TMC2: variants seen among roughly 807,000 people sequenced by gnomAD.
TMC2 encodes transmembrane channel like 2, also known as transmembrane channel-like protein 2.
Under a neutral mutation model 105.9 loss-of-function variants are expected in TMC2, and 102 were observed. The observed-to-expected ratio is 0.96, with a 90% CI of 0.82 to 1.14. The LOEUF (loss-of-function observed/expected upper bound fraction) is 1.14. Ranked by LOEUF, TMC2 falls within the 50% of genes most tolerant of loss-of-function variation. The pLI, the probability that TMC2 is intolerant of heterozygous loss-of-function variation, is 0.00. For synonymous variants in TMC2, 402 were observed against 422.8 expected (o/e 0.95, Z 0.60); for missense variants, 1,093 against 1,134.3 (o/e 0.96, Z 0.52).
At chr20:2,639,941 G>A (rs1315584819) in intron 19 of TMC2, among the ~76,000 whole-genome samples, 2 of 152,156 alleles carry the variant, frequency 1.3e-5, no homozygotes, top group African/African-American at 4.8e-5. Context: ...TTGGATGTAA[G>A]AAGTGAATGA....
chr20:2,591,098 T>G (rs949458533), intron 7 of TMC2, among the ~76,000 whole-genome samples: 15 of 152,000 alleles, frequency 9.9e-5, no homozygotes, highest in African/African-American at 3.6e-4. Flanking sequence ...TTTTTTACAA[T>G]TAAGGATATG....
chr20:2,596,587 C>G (rs1444864928), intron 9 of TMC2, among the ~76,000 whole-genome samples: 1 of 147,506 alleles, frequency 6.8e-6, no homozygotes, highest in Non-Finnish European at 1.5e-5. Context: ...GAGCCAAGAT[C>G]AGGCCACTGC....
chr20:2,611,284 AC>A (rs2086436383), intron 12 of TMC2, among the ~76,000 whole-genome samples: 1 of 152,044 alleles, frequency 6.6e-6, no homozygotes, highest in African/African-American at 2.4e-5. Context: ...CCTCTTCTCC[AC>A]CCCTTCCCTC....
intron 3 of TMC2, among the ~76,000 whole-genome samples, chr20:2,561,281 T>G (rs888738936): frequency 1.3e-5 from 2 of 152,226 alleles, no homozygotes; most frequent in African/African-American, 4.8e-5. Context: ...TTTAAGTATG[T>G]CTAAAACAAT....
At chr20:2,624,424 C>T (rs2086549897) in intron 17 of TMC2, 28 bp downstream of exon 17, 1 of 1,598,680 alleles carries the variant, frequency 6.3e-7, no homozygotes, top group Non-Finnish European at 8.5e-7. Context: ...CATGGCTCCA[C>T]CCCACGGAAA....
At chr20:2,546,325 C>T (rs1425433848) in intron 2 of TMC2, among the ~76,000 whole-genome samples, 1 of 152,086 alleles carries the variant, frequency 6.6e-6, no homozygotes, top group Non-Finnish European at 1.5e-5. Context: ...GGGTACGAAA[C>T]TCATACCAAG....
At chr20:2,613,448 G>A (rs763777698) in intron 14 of TMC2, 126 bp downstream of exon 14, 4 of 1,372,908 alleles carry the variant, frequency 2.9e-6, no homozygotes, top group Non-Finnish European at 4.1e-6. Flanking sequence ...CTGCTCTGTA[G>A]AGTAGTAAAG....
At chr20:2,617,533 C>T in intron 16 of TMC2, 1 of 573,588 alleles carries the variant, frequency 1.7e-6, no homozygotes, top group Non-Finnish European at 3.1e-6. Flanking sequence ...CCACCTGTGG[C>T]CGTTGAGTGC....
At chr20:2,539,994 T>C (rs1246271793) in intron 2 of TMC2, among the ~76,000 whole-genome samples, 3 of 138,104 alleles carry the variant, frequency 2.2e-5, no homozygotes, top group South Asian at 2.3e-4. Flanking sequence ...TCTTTTCTTT[T>C]TTTTTTTTTT....
chr20:2,548,159 T>G (rs1452923329), intron 2 of TMC2, among the ~76,000 whole-genome samples: 1 of 152,202 alleles, frequency 6.6e-6, no homozygotes, highest in Admixed American at 6.5e-5. Context: ...AGCTCCTGAA[T>G]GTACACAACA....
At chr20:2,576,826 G>T (rs1246522844) in intron 5 of TMC2, among the ~76,000 whole-genome samples, 1 of 151,736 alleles carries the variant, frequency 6.6e-6, no homozygotes, top group Non-Finnish European at 1.5e-5. Context: ...CAAGGCAAAT[G>T]CTCTCTTTAT....
At chr20:2,545,064 A>T (rs2085914598) in intron 2 of TMC2, among the ~76,000 whole-genome samples, 1 of 151,664 alleles carries the variant, frequency 6.6e-6, no homozygotes, top group African/African-American at 2.4e-5. Context: ...TTAATTAGAC[A>T]TGCATGGTGG....
At chr20:2,637,162 G>C (rs1568533234) in intron 18 of TMC2, among the ~76,000 whole-genome samples, 1 of 151,844 alleles carries the variant, frequency 6.6e-6, no homozygotes, top group Non-Finnish European at 1.5e-5. Context: ...GCCGAGGCCG[G>C]TGGATCACCT....
intron 4 of TMC2, among the ~76,000 whole-genome samples, chr20:2,565,511 G>A (rs1027701617): frequency 1.3e-5 from 1 of 78,092 alleles, no homozygotes; most frequent in African/African-American, 2.9e-5. Flanking sequence ...CCAAAGTGCT[G>A]GGATTACAGA....
At chr20:2,635,367 G>C (rs1302832279) in intron 17 of TMC2, among the ~76,000 whole-genome samples, 1 of 152,132 alleles carries the variant, frequency 6.6e-6, no homozygotes, top group African/African-American at 2.4e-5. Context: ...CCCCTCTCAG[G>C]GTTTGAAAAC....
intron 18 of TMC2, among the ~76,000 whole-genome samples, chr20:2,636,493 C>CAG (rs1555778095): frequency 6.6e-6 from 1 of 151,002 alleles, no homozygotes; most frequent in Non-Finnish European, 1.5e-5. Context: ...CACACACACA[C>CAG]GCACACACCC....
chr20:2,616,225 G>T lies in TMC2; in HGVS notation c.1940+21G>T. ...ATCTGGTGAGTTATCCATTTCATCT[G>T]GTGATCGCCTCATCCAAGGAGTCAA... On this transcript the variant is annotated intron_variant, in intron 15 of 19. Coordinates refer to ENST00000358864, the MANE Select transcript of TMC2 (RefSeq NM_080751.3). The surrounding 1 kb of genome is among the most constrained non-coding windows in gnomAD (Gnocchi z 4.8). 6.2e-7 allele frequency: 1 copy of T among 1,601,362 alleles called. No homozygotes were observed.
At chr20:2,583,273 T>C (rs1013587504) in intron 7 of TMC2, among the ~76,000 whole-genome samples, 1 of 152,226 alleles carries the variant, frequency 6.6e-6, no homozygotes, top group Non-Finnish European at 1.5e-5. Flanking sequence ...GGTTAGGTTA[T>C]GAAAGATAGT....
chr20:2,640,989 C>T (rs188949166), intron 19 of TMC2, 145 bp from the exon 20 acceptor site: 8 of 690,942 alleles, frequency 1.2e-5, no homozygotes, highest in East Asian at 5.1e-5. Flanking sequence ...AAGGTGACCC[C>T]GAGACAGCTG....
Sources: gnomAD v4.1 joint callset for allele counts (sites outside exome capture counted in the v4.1 genomes callset) on GRCh38, gnomAD v4.1.1 for gene constraint, Gnocchi (gnomAD v3.1) non-coding constraint, MANE v1.5 for transcripts, NCBI Gene and HGNC (gene_info 2026-07-23, HGNC 2026-07-21) for gene names.